SH2D5: variants seen among roughly 807,000 people sequenced by gnomAD.
SH2D5 encodes the protein SH2 domain containing 5.
Under a neutral mutation model 48.2 loss-of-function variants are expected in SH2D5, and 45 were observed. That is an observed-to-expected ratio of 0.93 (90% CI 0.73 to 1.20). SH2D5 has a LOEUF of 1.20. Ranked by LOEUF, SH2D5 falls within the 50% of genes most tolerant of loss-of-function variation. SH2D5 has a pLI of 0.00. For missense variants in SH2D5, 538 were observed against 584.1 expected, an observed-to-expected ratio of 0.92 and a Z score of 0.81; for synonymous variants, 230 against 249.8, an observed-to-expected ratio of 0.92 and a Z score of 0.75.
chr1:20,723,492 C>T (rs2154538446), intron 8 of SH2D5, 134 bp downstream of exon 8: 1 of 653,162 alleles, frequency 1.5e-6, no homozygotes, highest in East Asian at 2.7e-5. Context: ...GTGGTGAAGT[C>T]CCAGGCCTGA....
intron 2 of SH2D5, 53 bp from the exon 3 acceptor site, chr1:20,727,656 C>T (rs759789758): frequency 8.1e-6 from 12 of 1,485,116 alleles, no homozygotes; most frequent in Non-Finnish European, 1.1e-5. Flanking sequence ...CCCGTGGCTC[C>T]TAACCCCATC....
At chr1:20,730,313 G>T (rs904294911) in intron 1 of SH2D5, among the ~76,000 whole-genome samples, 56 of 56,870 alleles carry the variant, frequency 9.8e-4, no homozygotes, top group Admixed American at 8.0e-3. Context: ...GCTCGGGGGG[G>T]GGGGGGACGC....
At chr1:20,722,942 A>C in intron 8 of SH2D5, 27 bp from the exon 9 acceptor site, 1 of 1,519,378 alleles carries the variant, frequency 6.6e-7, no homozygotes, top group Non-Finnish European at 8.8e-7. Flanking sequence ...GAGAGAGTAA[A>C]GGCTGGACTG....
chr1:20,724,749 CTCTTCCCAT>C (rs112803723), intron 5 of SH2D5, 114 bp from the exon 6 acceptor site: 2 of 1,296,080 alleles, frequency 1.5e-6, no homozygotes, highest in African/African-American at 1.5e-5. Flanking sequence ...GCTTCGGAGG[CTCTTCCCAT>C]TCTTCCTGGG....
intron 4 of SH2D5, among the ~76,000 whole-genome samples, chr1:20,726,289 C>T (rs1237128809): frequency 4.6e-5 from 7 of 152,216 alleles, no homozygotes; most frequent in Admixed American, 1.3e-4. Flanking sequence ...TGGGGTGACA[C>T]GCCTGGTCCC....
intron 2 of SH2D5, 118 bp from the exon 3 acceptor site, chr1:20,727,721 C>G (rs1021453952): frequency 5.6e-5 from 59 of 1,057,974 alleles, no homozygotes; most frequent in African/African-American, 7.9e-5. Context: ...TGTGGACAGA[C>G]AGAGCTCGAT....
At position 20,722,747 on chromosome 1, in the gene SH2D5, C is replaced by T. The variant is rs772164871; in HGVS notation, c.1068+9G>A. ...AGGGCCCAGGCCCCTCTGGCTGCTG[C>T]GCTCTTACCTCCAAGCAGTAGCGGC... On this transcript the variant is annotated intron_variant, in intron 9 of 9. Coordinates refer to ENST00000444387, the MANE Select transcript of SH2D5 (RefSeq NM_001103161.2). The T allele has an allele frequency of 1.6e-5, 23 of 1,465,234 alleles. No individual in the cohort carries two copies. The highest frequency in any genetic ancestry group is 1.3e-4 in the South Asian group (9 of 70,494). 90.8% of individuals were successfully genotyped at this position (1,465,234 alleles called of 1,614,324 possible).
rs2054887671 is a variant in SH2D5, at chr1:20,730,492, G to A, written c.-43+1689C>T. Among the ~76,000 whole-genome samples, 4 of 152,182 alleles carry A rather than the reference G, an allele frequency of 2.6e-5. No homozygotes were observed. In the South Asian group the frequency reaches 8.3e-4, roughly 31 times the overall value. On this transcript the variant is annotated intron_variant, in intron 1 of 9. Transcript: ENST00000444387. ...GGTGGGGGTGCAGAGGCCAACCACT[G>A]GCCCTCTTAGGGGCCCCAGCCCACC...
At chr1:20,726,928 G>A (rs1317854316) in intron 4 of SH2D5, 73 bp downstream of exon 4, 5 of 1,319,110 alleles carry the variant, frequency 3.8e-6, no homozygotes, top group Middle Eastern at 1.8e-4. Flanking sequence ...GACCTAGGCA[G>A]AGGAGAGCGC....
chr1:20,723,817 G>T, intron 7 of SH2D5, 83 bp from the exon 8 acceptor site: 1 of 1,200,368 alleles, frequency 8.3e-7, no homozygotes, highest in Non-Finnish European at 1.2e-6. Context: ...ACCCAGGGTG[G>T]TGTCCTCCCC....
At chr1:20,722,267 C>T (rs1364065953) in intron 9 of SH2D5, among the ~76,000 whole-genome samples, 6 of 152,216 alleles carry the variant, frequency 3.9e-5, no homozygotes, top group Admixed American at 1.3e-4. Flanking sequence ...CAGGACAAGA[C>T]ATCACACTGG....
At chr1:20,725,057 G>A (rs1172650145) in intron 5 of SH2D5, among the ~76,000 whole-genome samples, 1 of 152,256 alleles carries the variant, frequency 6.6e-6, no homozygotes, top group Non-Finnish European at 1.5e-5. Flanking sequence ...CCTGGGCAGA[G>A]CATGGCACCT....
At position 20,732,017 on chromosome 1, in the gene SH2D5, C is replaced by T. The variant is rs188527520; in HGVS notation, c.-43+164G>A. On this transcript the variant is annotated intron_variant, in intron 1 of 9. Transcript: ENST00000444387. This position sits in a 1 kb window ranked among gnomAD's most constrained non-coding sequence, Gnocchi z 5.1. ...GCGCTCGCTCACCGCCTCTCGAGTC[C>T]GGTCCCGGCCGCTCCGGCCCGCGAC... is the stretch of plus-strand genomic sequence containing the variant. Among the ~76,000 whole-genome samples the T allele has an allele frequency of 0.02, 2,960 of 151,324 alleles. 25 individuals are homozygous for T. The highest frequency in any genetic ancestry group is 0.024 in the Non-Finnish European group (1,606 of 67,606).
At chr1:20,731,967 GC>G (rs1297550104) in intron 1 of SH2D5, among the ~76,000 whole-genome samples, 3 of 151,698 alleles carry the variant, frequency 2.0e-5, no homozygotes, top group Admixed American at 6.6e-5. Flanking sequence ...AGCGTACCAA[GC>G]CCCCCGCCCC....
At chr1:20,723,865 C>A in intron 7 of SH2D5, 131 bp from the exon 8 acceptor site, 1 of 971,048 alleles carries the variant, frequency 1.0e-6, no homozygotes, top group Non-Finnish European at 1.5e-6. Context: ...TATCTGCACA[C>A]GGGCCTTCCG....
At position 20,724,647 on chromosome 1, in the gene SH2D5, G is replaced by A; in HGVS notation, c.391-12C>T. 6.5e-7 allele frequency: 1 copy of A among 1,538,744 alleles called. No homozygotes were observed. Among genetic ancestry groups the A allele is most frequent in the Non-Finnish European group, 8.7e-7 (1 of 1,144,730 alleles). On this transcript the variant is annotated splice_polypyrimidine_tract_variant and intron_variant, in intron 5 of 9. Transcript: ENST00000444387. Reference sequence around the variant, plus strand: ...TGCAGGATCTGGACCTGGGAGGGAGGGAGAGAGGTGGGCTCAGCTGGAGGA... The same window carrying A: ...TGCAGGATCTGGACCTGGGAGGGAGAGAGAGAGGTGGGCTCAGCTGGAGGA...
rs775225404 is a variant in SH2D5, at chr1:20,724,632, G to A, written c.394C>T (p.Gln132Ter). 6.4e-7 allele frequency: 1 copy of A among 1,561,484 alleles called. No homozygotes were observed. The highest frequency in any genetic ancestry group is 8.7e-7 in the Non-Finnish European group (1 of 1,155,288). ...CGGCACAGCAGCAGGTGCAGGATCT[G>A]GACCTGGGAGGGAGGGAGAGAGGTG... ...LFVGSQPGEV[Q>*]ILHLLLCRSF... Residue 132 changes from glutamine (Q) to a stop codon, truncating the protein, a stop_gained, in exon 6 of 10, where the codon CAG becomes TAG. Coordinates refer to ENST00000444387, the MANE Select transcript of SH2D5 (RefSeq NM_001103161.2). LOFTEE classifies it high-confidence loss of function.
intron 2 of SH2D5, 95 bp downstream of exon 2, chr1:20,727,863 A>C: frequency 9.4e-7 from 1 of 1,063,394 alleles, no homozygotes; most frequent in Non-Finnish European, 1.4e-6. Context: ...AAGAGGTGGA[A>C]ATAGGTCCTA....
rs1252723017 is a variant in SH2D5, at chr1:20,728,078, G to A, written c.-34C>T. The A allele has an allele frequency of 6.8e-6, 10 of 1,467,276 alleles. No homozygotes were observed. The highest frequency in any genetic ancestry group is 9.3e-6 in the Non-Finnish European group (10 of 1,080,948). 90.9% of individuals were successfully genotyped at this position (1,467,276 alleles called of 1,614,324 possible). On this transcript the variant is annotated 5_prime_UTR_variant, in exon 2 of 10. Coordinates refer to ENST00000444387, the MANE Select transcript of SH2D5 (RefSeq NM_001103161.2). The surrounding 1 kb of genome is among the most constrained non-coding windows in gnomAD (Gnocchi z 4.3). ...GGGTGCCTGGCTTCCAGCTCCACGG[G>A]AGGGGAGGCTGCAAAGGGCAGGGGG...
Sources: allele counts gnomAD v4.1 joint callset (sites outside exome capture counted in the v4.1 genomes callset), GRCh38; gene constraint gnomAD v4.1.1; non-coding constraint Gnocchi (gnomAD v3.1); transcripts MANE v1.5; gene names NCBI Gene and HGNC (gene_info 2026-07-23, HGNC 2026-07-21).